The following BTNL8 variants were observed in gnomAD, a reference collection of about 807,000 sequenced individuals.
BTNL8 encodes the protein butyrophilin-like protein 8.
BTNL8 carries 22 observed loss-of-function variants against 36.1 expected under a neutral mutation model. That is an observed-to-expected ratio of 0.61 (90% CI 0.44 to 0.87). The LOEUF (loss-of-function observed/expected upper bound fraction) is 0.87, where lower values mean the gene tolerates loss of function less well. Ranked by LOEUF, BTNL8 falls within the 40% of genes least tolerant of loss-of-function variation. The pLI is 0.00. For synonymous variants in BTNL8, 203 were observed against 235.6 expected, an observed-to-expected ratio of 0.86 and a Z score of 1.27; for missense variants, 526 against 616.9, an observed-to-expected ratio of 0.85 and a Z score of 1.56.
chr5:180,918,187 G>A lies in BTNL8; in HGVS notation c.673+6573G>A, dbSNP rs558806069. Among the ~76,000 whole-genome samples, 8 of 151,998 alleles carry A rather than the reference G, an allele frequency of 5.3e-5. 1 individual carries two copies. The East Asian group carries it at 1.2e-3, about 22-fold the overall frequency. On this transcript the variant is annotated intron_variant, in intron 3 of 7. Coordinates refer to ENST00000340184, the MANE Select transcript of BTNL8 (RefSeq NM_001040462.3). ...CATATAAGAACACCATAAAAAAGAA[G>A]AAAATTACATGCCAATATCCCTGAT...
intron 1 of BTNL8, among the ~76,000 whole-genome samples, chr5:180,906,105 T>C (rs2113769293): frequency 7.1e-6 from 1 of 141,762 alleles, no homozygotes; most frequent in South Asian, 2.1e-4. Context: ...TTGATCTATC[T>C]AATGTTGACA....
chr5:180,950,122 G>T lies in BTNL8; in HGVS notation c.1081G>T (p.Asp361Tyr). Residue 361 changes from aspartate to tyrosine, a missense_variant, in exon 8 of 8, where the codon GAT becomes TAT. Around this residue, in one of 2 missense-constraint regions of BTNL8, gnomAD observed 176 missense variants for 292.3 expected, o/e 0.60. Transcript: ENST00000340184. ...KRWRVGVCRD[D>Y]VDRRKEYVTL... ...GTGGCGCGTGGGAGTGTGCCGGGAT[G>T]ATGTGGACAGGAGGAAGGAGTACGT... is the stretch of plus-strand genomic sequence containing the variant. The T allele has an allele frequency of 6.8e-7, 1 of 1,463,016 alleles. No homozygotes were observed. The highest frequency in any genetic ancestry group is 9.4e-7 in the Non-Finnish European group (1 of 1,058,870). The allele number at this position is 1,463,016 out of a possible 1,614,324, so 90.6% of individuals were successfully genotyped here.
chr5:180,912,602 A>G (rs755181614), intron 3 of BTNL8, among the ~76,000 whole-genome samples: 7 of 152,056 alleles, frequency 4.6e-5, no homozygotes, highest in Non-Finnish European at 1.0e-4. Flanking sequence ...TACTGTGTAC[A>G]CCTGTAGTCC....
rs775312208 is a variant in BTNL8, at chr5:180,911,381, A to C, written c.440A>C (p.Asp147Ala). The stretch of plus-strand genomic sequence containing the variant: ...CTCATTTCCATCACGGGATATGTTG[A>C]TAGAGACATCCAGCTACTCTGTCAG... Reference protein sequence around the residue: ...VPLISITGYVDRDIQLLCQSS... With the variant: ...VPLISITGYVARDIQLLCQSS... Residue 147 changes from aspartate (D) to alanine (A), a missense_variant, in exon 3 of 8, where the codon GAT (aspartate) becomes GCT (alanine). This residue lies in a region of BTNL8 where 350 missense variants were observed against 324.6 expected (regional missense o/e 1.08). Coordinates refer to ENST00000340184, the MANE Select transcript of BTNL8 (RefSeq NM_001040462.3). 3.1e-6 allele frequency: 5 copies of C among 1,614,014 alleles called. No homozygotes were observed. The highest frequency in any genetic ancestry group is 1.3e-5 in the African/African-American group (1 of 74,890).
chr5:180,937,196 C>T (rs1364195732), intron 3 of BTNL8, among the ~76,000 whole-genome samples: 2 of 152,210 alleles, frequency 1.3e-5, no homozygotes, highest in East Asian at 3.9e-4. Flanking sequence ...CCACTCAGCA[C>T]CTGGCACCTC....
rs183704841 is a variant in BTNL8 at position 180,940,231 on chromosome 5, C to T, written c.674-7281C>T. 4.8e-3 allele frequency among the ~76,000 whole-genome samples: 734 copies of T among 151,600 alleles called. 7 individuals are homozygous for T. Among genetic ancestry groups the T allele is most frequent in the African/African-American group, 0.017 (706 of 41,298 alleles). ...CATGGTGGCACTAATCCCAGCTACT[C>T]GGGAGGCTGAGGCAGGAGAATCTCT... On this transcript the variant is annotated intron_variant, in intron 3 of 7. Transcript: ENST00000340184.
intron 3 of BTNL8, among the ~76,000 whole-genome samples, chr5:180,923,483 C>T (rs911246444): frequency 2.0e-5 from 3 of 151,884 alleles, no homozygotes; most frequent in Non-Finnish European, 2.9e-5. Flanking sequence ...AAAAGAAAAC[C>T]TTTTATGAAT....
rs747500534 is a variant in BTNL8 at position 180,908,751 on chromosome 5, A to G, written c.215A>G (p.Asp72Gly). The change falls in exon 2 of 8, where the codon GAC (aspartate) becomes GGC (glycine). Residue 72 changes from aspartate to glycine, a missense_variant. Asp to Gly is a moderately conservative substitution (Grantham distance 94). Around this residue, in one of 2 missense-constraint regions of BTNL8, gnomAD observed 350 missense variants for 324.6 expected, o/e 1.08. Coordinates refer to ENST00000340184, the MANE Select transcript of BTNL8 (RefSeq NM_001040462.3). ...GTCCACCTCTACAGGGACGGGAAGG[A>G]CCAGCCATTTATGCAGATGCCACAG... is the stretch of plus-strand genomic sequence containing the variant. ...SVVHLYRDGK[D>G]QPFMQMPQYQ... is the part of the protein sequence containing the mutation. 3.7e-6 allele frequency: 6 copies of G among 1,614,036 alleles called. No homozygotes were observed. The African/African-American group carries it at 8.0e-5, about 22-fold the overall frequency.
chr5:180,916,394 G>GT (rs2113795340), intron 3 of BTNL8, among the ~76,000 whole-genome samples: 1 of 151,298 alleles, frequency 6.6e-6, no homozygotes, highest in East Asian at 1.9e-4. Flanking sequence ...GATCTCAAAT[G>GT]AACAACCTAA....
intron 3 of BTNL8, among the ~76,000 whole-genome samples, chr5:180,944,662 AAAG>A (rs1412402363): frequency 6.6e-6 from 1 of 152,208 alleles, no homozygotes; most frequent in Admixed American, 6.5e-5. Flanking sequence ...AATAGCTAGA[AAAG>A]AGGATTTTGA....
chr5:180,901,651 C>A (rs1302344426), intron 1 of BTNL8, among the ~76,000 whole-genome samples: 1 of 151,946 alleles, frequency 6.6e-6, no homozygotes, highest in Non-Finnish European at 1.5e-5. Context: ...AGGGGAGGCT[C>A]ACAGAAAACA....
rs1157397879 is a variant in BTNL8, at chr5:180,899,191, A to G, written c.-120A>G. The G allele has an allele frequency of 8.4e-7, 1 of 1,188,912 alleles. No homozygotes were observed. Among genetic ancestry groups the G allele is most frequent in the African/African-American group, 1.5e-5 (1 of 66,226 alleles). 73.6% of individuals were successfully genotyped at this position (1,188,912 alleles called of 1,614,324 possible). ...CGCAGTTTGCCCTCCGCTCACGCAG[A>G]GCCTCTCCGTGGCTTCCGCACCTTG... On this transcript the variant is annotated 5_prime_UTR_variant, in exon 1 of 8. Transcript: ENST00000340184.
intron 2 of BTNL8, among the ~76,000 whole-genome samples, chr5:180,910,119 C>T (rs930639755): frequency 2.0e-5 from 3 of 152,118 alleles, no homozygotes; most frequent in African/African-American, 7.2e-5. Context: ...GCATTTCTAG[C>T]CCAGGCATTT....
intron 3 of BTNL8, among the ~76,000 whole-genome samples, chr5:180,920,835 G>C (rs1259056155): frequency 1.3e-5 from 2 of 151,922 alleles, no homozygotes; most frequent in African/African-American, 4.8e-5. Flanking sequence ...AGAGATTTAT[G>C]AAAAGTGACT....
chr5:180,926,067 G>GC (rs1234787914), intron 3 of BTNL8, among the ~76,000 whole-genome samples: 34 of 152,306 alleles, frequency 2.2e-4, no homozygotes, highest in African/African-American at 7.9e-4. Context: ...GCGGTCTGCA[G>GC]CCCCCAGCAA....
intron 3 of BTNL8, among the ~76,000 whole-genome samples, chr5:180,930,119 G>A (rs1758299701): frequency 6.6e-6 from 1 of 152,188 alleles, no homozygotes; most frequent in African/African-American, 2.4e-5. Context: ...TATCCACCAC[G>A]ATCAAGTTGG....
rs796129423 is a variant in BTNL8, at chr5:180,922,451, C to T, written c.673+10837C>T. Reference sequence around the variant, plus strand: ...TTTCTGCCTTAATTTCATTATTTACCCAAAAGTCATTCAGGAGTAGGTTAT... The same window carrying T: ...TTTCTGCCTTAATTTCATTATTTACTCAAAAGTCATTCAGGAGTAGGTTAT... On this transcript the variant is annotated intron_variant, in intron 3 of 7. Transcript: ENST00000340184. 3.3e-5 allele frequency among the ~76,000 whole-genome samples: 5 copies of T among 151,032 alleles called. No individual in the cohort carries two copies. In the East Asian group the frequency reaches 7.8e-4, roughly 23 times the overall value.
At chr5:180,932,358 T>C (rs184060040) in intron 3 of BTNL8, among the ~76,000 whole-genome samples, 1 of 152,174 alleles carries the variant, frequency 6.6e-6, no homozygotes, top group Non-Finnish European at 1.5e-5. Flanking sequence ...AGTATAATTA[T>C]TTTTTTCAGA....
intron 1 of BTNL8, among the ~76,000 whole-genome samples, chr5:180,907,847 G>C (rs960549648): frequency 6.6e-6 from 1 of 151,046 alleles, no homozygotes. Flanking sequence ...CAGGGGTCAG[G>C]GACTCACTTG....
Sources: gnomAD v4.1 joint callset for allele counts (sites outside exome capture counted in the v4.1 genomes callset) on GRCh38, gnomAD v4.1.1 for gene constraint, gnomAD v4.1.1 regional missense constraint, MANE v1.5 for transcripts, NCBI Gene and HGNC (gene_info 2026-07-23, HGNC 2026-07-21) for gene names.